The following DNAH3 variants were observed in gnomAD, a reference collection of about 807,000 sequenced individuals.
DNAH3 encodes dynein axonemal heavy chain 3.
Under a neutral mutation model 432.5 loss-of-function variants are expected in DNAH3, and 332 were observed. That is an observed-to-expected ratio of 0.77 (90% CI 0.70 to 0.84). The LOEUF (loss-of-function observed/expected upper bound fraction) is 0.84, where lower values mean the gene tolerates loss of function less well. DNAH3 is among the 40% of genes least tolerant of loss of function. DNAH3 has a pLI of 0.00. For synonymous variants in DNAH3, 1,956 were observed against 1,900.2 expected (o/e 1.03, Z -0.76); for missense variants, 4,861 against 5,114.0 (o/e 0.95, Z 1.51).
intron 51 of DNAH3, among the ~76,000 whole-genome samples, chr16:20,975,017 G>C (rs563328742): frequency 1.4e-5 from 2 of 139,666 alleles, no homozygotes; most frequent in African/African-American, 5.4e-5. Context: ...TTAAAGTAGA[G>C]ATGAGGTTTC....
In DNAH3 at chr16:21,117,348, T is replaced by A. The variant is rs375157458; in HGVS notation, c.1700-31A>T. ...AACAGGACAGATTCCACCTGAAGAG[T>A]AAACACCACTTTTGCATGTTGCAAG... is the stretch of plus-strand genomic sequence containing the variant. On this transcript the variant is annotated intron_variant, in intron 11 of 61. Coordinates refer to ENST00000261383, the Ensembl canonical transcript of DNAH3. The A allele has an allele frequency of 4.3e-5, 63 of 1,450,516 alleles. No individual in the cohort carries two copies. The highest frequency in any genetic ancestry group is 6.0e-5 in the Non-Finnish European group (62 of 1,035,612). The allele number at this position is 1,450,516 out of a possible 1,614,324, so 89.9% of individuals were successfully genotyped here.
At chr16:21,070,127 A>G (rs944646838) in intron 22 of DNAH3, among the ~76,000 whole-genome samples, 1 of 152,164 alleles carries the variant, frequency 6.6e-6, no homozygotes, top group African/African-American at 2.4e-5. Flanking sequence ...GGTAGCTTAC[A>G]TTCTAGATTA....
rs140590802 is a variant in DNAH3 at position 20,948,067 on chromosome 16, C to T, written c.11343+416G>A. Among the ~76,000 whole-genome samples the T allele has an allele frequency of 2.1e-3, 314 of 152,296 alleles. 1 individual carries two copies. Among genetic ancestry groups the T allele is most frequent in the African/African-American group, 7.3e-3 (303 of 41,562 alleles). ...CTGAGATTACAGGCGTGAGCCACAG[C>T]ATCCAACCTGTAAGCTCTTTTCTAT... On this transcript the variant is annotated intron_variant, in intron 57 of 61. Coordinates refer to ENST00000261383, the Ensembl canonical transcript of DNAH3.
At chr16:21,038,019 G>A in intron 33 of DNAH3, 39 bp from the exon 34 acceptor site, 1 of 1,573,938 alleles carries the variant, frequency 6.4e-7, no homozygotes. Flanking sequence ...ACCCAGAGAG[G>A]ACTACGTCCT....
At chr16:21,093,822 AT>A (rs57195677) in intron 18 of DNAH3, among the ~76,000 whole-genome samples, 2,807 of 151,904 alleles carry the variant, frequency 0.018, 91 homozygotes, top group African/African-American at 0.062. Context: ...GTGGATAAAA[AT>A]TTTTTTTTCC....
intron 21 of DNAH3, among the ~76,000 whole-genome samples, chr16:21,074,861 A>G (rs565349457): frequency 6.6e-6 from 1 of 152,354 alleles, no homozygotes; most frequent in East Asian, 1.9e-4. Flanking sequence ...ACGACAGCTG[A>G]GCAAATGCTT....
intron 59 of DNAH3, among the ~76,000 whole-genome samples, chr16:20,937,284 A>G (rs2083627562): frequency 6.6e-6 from 1 of 151,998 alleles, no homozygotes; most frequent in African/African-American, 2.4e-5. Flanking sequence ...CCTCTGGAGT[A>G]GCTGGGACTA....
chr16:20,933,188 C>T (rs374597128), exon 62 of DNAH3: 20 of 1,613,994 alleles, frequency 1.2e-5, no homozygotes, highest in Middle Eastern at 1.6e-4. Flanking sequence ...GGCCACCCCT[C>T]GGTTTATCCA....
intron 16 of DNAH3, 131 bp from the exon 17 acceptor site, chr16:21,098,900 C>T: frequency 2.3e-6 from 2 of 854,944 alleles, no homozygotes; most frequent in Admixed American, 5.2e-5. Context: ...TCCCCCAATA[C>T]TCCCAACTCC....
intron 14 of DNAH3, among the ~76,000 whole-genome samples, chr16:21,109,539 TATGA>T (rs2092022648): frequency 6.6e-6 from 1 of 152,186 alleles, no homozygotes; most frequent in African/African-American, 2.4e-5. Flanking sequence ...ATTACACATA[TATGA>T]ATAATACAGT....
At chr16:21,120,404 C>T (rs2092310075) in intron 11 of DNAH3, among the ~76,000 whole-genome samples, 1 of 152,158 alleles carries the variant, frequency 6.6e-6, no homozygotes, top group South Asian at 2.1e-4. Flanking sequence ...TTGACCTTAA[C>T]TAACTTTTAA....
chr16:20,998,816 TTGTG>T (rs1263730380), intron 43 of DNAH3, among the ~76,000 whole-genome samples: 1 of 151,866 alleles, frequency 6.6e-6, no homozygotes, highest in Admixed American at 6.6e-5. Context: ...AATGCCCAGT[TTGTG>T]TGGGGTAACA....
chr16:20,955,276 C>T (rs2152596986), intron 54 of DNAH3, among the ~76,000 whole-genome samples: 1 of 152,134 alleles, frequency 6.6e-6, no homozygotes, highest in East Asian at 1.9e-4. Context: ...CTATGCTAAG[C>T]ATTTAACATA....
At chr16:20,985,405 A>T in exon 48 of DNAH3, 1 of 1,614,164 alleles carries the variant, frequency 6.2e-7, no homozygotes, top group East Asian at 2.2e-5. Flanking sequence ...GAATGTGGAC[A>T]GTTTGGCGGC....
At chr16:20,962,852 T>A (rs963664312) in intron 53 of DNAH3, among the ~76,000 whole-genome samples, 4 of 152,002 alleles carry the variant, frequency 2.6e-5, no homozygotes, top group African/African-American at 9.7e-5. Flanking sequence ...GCAATGGAGG[T>A]CTCACTATGT....
chr16:21,152,023 T>C (rs961951710), intron 1 of DNAH3, among the ~76,000 whole-genome samples: 1 of 151,978 alleles, frequency 6.6e-6, no homozygotes, highest in Non-Finnish European at 1.5e-5. Flanking sequence ...TCACTTGAGG[T>C]CAGGAGTTTG....
chr16:21,141,111 C>T (rs1199917016), intron 4 of DNAH3, among the ~76,000 whole-genome samples, 189 bp downstream of exon 5: 1 of 151,856 alleles, frequency 6.6e-6, no homozygotes, highest in Admixed American at 6.6e-5. Context: ...TGCACTCCAG[C>T]CCGGGCAACA....
intron 12 of DNAH3, among the ~76,000 whole-genome samples, chr16:21,112,883 C>T (rs761569261): frequency 3.3e-5 from 5 of 152,136 alleles, no homozygotes; most frequent in Non-Finnish European, 2.9e-5. Flanking sequence ...CTTGCATGGG[C>T]CCTGTACCCC....
intron 44 of DNAH3, among the ~76,000 whole-genome samples, chr16:20,988,868 TC>T (rs990336363): frequency 9.9e-5 from 15 of 152,104 alleles, no homozygotes; most frequent in African/African-American, 3.6e-4. Context: ...TCTCGCTGGC[TC>T]AGGAGTGAAG....
Sources: gnomAD v4.1 joint callset for allele counts (sites outside exome capture counted in the v4.1 genomes callset) on GRCh38, gnomAD v4.1.1 for gene constraint, MANE v1.5 for transcripts, NCBI Gene and HGNC (gene_info 2026-07-23, HGNC 2026-07-21) for gene names.